The following TDRD9 variants were observed in gnomAD, a reference collection of about 807,000 sequenced individuals.
The protein encoded by TDRD9 is tudor domain containing 9, also known as ATP-dependent RNA helicase TDRD9.
Under a neutral mutation model 172.6 loss-of-function variants are expected in TDRD9, and 124 were observed. That is an observed-to-expected ratio of 0.72 (90% CI 0.62 to 0.83). The LOEUF (loss-of-function observed/expected upper bound fraction) is 0.83. Ranked by LOEUF, TDRD9 falls within the 40% of genes least tolerant of loss-of-function variation. The pLI is 0.00. For synonymous variants in TDRD9, 619 were observed against 617.1 expected, an observed-to-expected ratio of 1.00 and a Z score of -0.05; for missense variants, 1,479 against 1,714.1, an observed-to-expected ratio of 0.86 and a Z score of 2.42.
intron 1 of TDRD9, among the ~76,000 whole-genome samples, chr14:103,948,183 T>A (rs535668094): frequency 3.7e-4 from 56 of 152,136 alleles, no homozygotes; most frequent in Admixed American, 2.0e-3. Flanking sequence ...CTGCTATTTT[T>A]TTTTTTTATT....
intron 30 of TDRD9, among the ~76,000 whole-genome samples, chr14:104,032,600 T>C (rs1291718322): frequency 6.6e-6 from 1 of 152,210 alleles, no homozygotes; most frequent in East Asian, 1.9e-4. Context: ...ATGTAAGACA[T>C]TTTTGAGTAT....
intron 20 of TDRD9, chr14:104,013,771 A>T (rs2034689188): frequency 6.6e-6 from 1 of 152,134 alleles, no homozygotes. Flanking sequence ...CGCAACACTG[A>T]TGTGGTAACC....
In TDRD9 at chr14:103,980,279, G is replaced by A. The variant is rs926611253; in HGVS notation, c.1011+4726G>A. On this transcript the variant is annotated intron_variant, in intron 7 of 35. Transcript: ENST00000409874. This position sits in a 1 kb window ranked among gnomAD's most constrained non-coding sequence, Gnocchi z 4.5. ...GTAGTGGCCCCGAATGCCAGGCTGCGCTGATATTTATTGGATACAAGACAA... is the reference window on the plus strand; with the variant it reads ...GTAGTGGCCCCGAATGCCAGGCTGCACTGATATTTATTGGATACAAGACAA... Among the ~76,000 whole-genome samples, 7 of 151,986 alleles carry A rather than the reference G, an allele frequency of 4.6e-5. No individual in the cohort carries two copies. Among genetic ancestry groups the A allele is most frequent in the African/African-American group, 7.3e-5 (3 of 41,352 alleles).
intron 24 of TDRD9, among the ~76,000 whole-genome samples, chr14:104,023,940 T>C (rs1386256955): frequency 6.6e-6 from 1 of 152,340 alleles, no homozygotes; most frequent in East Asian, 1.9e-4. Flanking sequence ...AAAATAGGTC[T>C]GGAGATTGGG....
At chr14:104,043,794 G>C (rs75379709) in intron 34 of TDRD9, among the ~76,000 whole-genome samples, 1,612 of 152,286 alleles carry the variant, frequency 0.011, 10 homozygotes, top group Middle Eastern at 0.017. Context: ...ACACAACCTA[G>C]CTCTTCAGCA....
intron 1 of TDRD9, chr14:103,942,401 A>G (rs2152120444): frequency 6.6e-6 from 1 of 152,336 alleles, no homozygotes; most frequent in South Asian, 2.1e-4. Flanking sequence ...AATGTAGCTC[A>G]GTCTATTTGA....
At chr14:103,938,235 G>A (rs1222735330) in intron 1 of TDRD9, among the ~76,000 whole-genome samples, 1 of 151,422 alleles carries the variant, frequency 6.6e-6, no homozygotes, top group Non-Finnish European at 1.5e-5. Flanking sequence ...ATTATATGTC[G>A]GGGATTGTGC....
intron 3 of TDRD9, among the ~76,000 whole-genome samples, chr14:103,964,375 A>C (rs1476242148): frequency 6.6e-6 from 1 of 152,238 alleles, no homozygotes. Context: ...ATTCATTACA[A>C]AATGTTAATA....
At chr14:103,952,205 TATATATATATATATA>T (rs1314639364) in intron 1 of TDRD9, among the ~76,000 whole-genome samples, 46 of 84,498 alleles carry the variant, frequency 5.4e-4, no homozygotes, top group Non-Finnish European at 9.1e-4. Context: ...TATATATATA[TATATATATATATATA>T]TTTTTTTTTT....
In TDRD9 at chr14:104,005,358, C is replaced by T. The variant is rs2034402162; in HGVS notation, c.1666C>T (p.Pro556Ser). The change falls in exon 15 of 36, where the codon CCG becomes TCG. Residue 556 changes from proline (P) to serine (S), a missense_variant. This residue lies in a region of TDRD9 where 1,413 missense variants were observed against 1,649.1 expected (regional missense o/e 0.86). Transcript: ENST00000409874. ...PRALLATALS[P>S]PGLSDIERTI... ...AGCTCTGCTGGCCACTGCCCTTTCCCCGCCTGGTCTGAGTGACATTGAGCG... is the reference window on the plus strand; with the variant it reads ...AGCTCTGCTGGCCACTGCCCTTTCCTCGCCTGGTCTGAGTGACATTGAGCG... The T allele has an allele frequency of 6.2e-7, 1 of 1,613,858 alleles. No individual in the cohort carries two copies. The highest frequency in any genetic ancestry group is 1.1e-5 in the South Asian group (1 of 91,082).
At chr14:104,034,183 CTTTTTTTTTCTT>C (rs1384676334) in intron 31 of TDRD9, 114 bp downstream of exon 31, 13 of 218,032 alleles carry the variant, frequency 6.0e-5, no homozygotes, top group South Asian at 3.9e-4. Flanking sequence ...ATGTACTATT[CTTTTTTTTTCTT>C]TTTTTTTTTT....
At chr14:104,028,895 T>C (rs147581650) in intron 28 of TDRD9, among the ~76,000 whole-genome samples, 124 of 152,350 alleles carry the variant, frequency 8.1e-4, no homozygotes, top group African/African-American at 2.9e-3. Context: ...TTCTTCTGCA[T>C]TTAGATGTCC....
In TDRD9 at chr14:103,959,180, C is replaced by G. The variant is rs141150183; in HGVS notation, c.322+3410C>G. 1.1e-4 allele frequency among the ~76,000 whole-genome samples: 17 copies of G among 152,100 alleles called. No individual in the cohort carries two copies. In the East Asian group the frequency reaches 3.3e-3, roughly 29 times the overall value. On this transcript the variant is annotated intron_variant, in intron 2 of 35. Coordinates refer to ENST00000409874, the MANE Select transcript of TDRD9 (RefSeq NM_153046.3). ...AGAGGATGGCAGTGGAGGAGGAGAG[C>G]CAGTTGAAGGACAAACCGGACAGGA... is the stretch of plus-strand genomic sequence containing the variant.
At chr14:103,971,193 C>T (rs974171751) in intron 6 of TDRD9, among the ~76,000 whole-genome samples, 8 of 151,584 alleles carry the variant, frequency 5.3e-5, no homozygotes, top group Non-Finnish European at 8.8e-5. Context: ...TCGTGTTAGC[C>T]AGGATGGTCT....
Position 103,941,072 on chromosome 14 carries a change from G to T in TDRD9, c.215+12348G>T, listed in dbSNP as rs1168349799. ...AAGATGTAGACTATTTCCCATGGCA[G>T]TACATCATTTTCTGCCAAAACTTCT... is the stretch of plus-strand genomic sequence containing the variant. On this transcript the variant is annotated intron_variant, in intron 1 of 35. Coordinates refer to ENST00000409874, the MANE Select transcript of TDRD9 (RefSeq NM_153046.3). The T allele has an allele frequency of 2.6e-6, 4 of 1,534,518 alleles. No individual in the cohort carries two copies. In the Admixed American group the frequency reaches 7.9e-5, roughly 30 times the overall value.
rs1470216900 is a variant in TDRD9, at chr14:104,012,886, G to T, written c.2107-1839G>T. 3.3e-5 allele frequency among the ~76,000 whole-genome samples: 5 copies of T among 152,134 alleles called. No homozygotes were observed. In the East Asian group the frequency reaches 9.6e-4, roughly 29 times the overall value. ...AGCTCTGAGAGGTGTGAACCACCGTGCCCAGCCCTGAAATGTTTTTAAATA... is the reference window on the plus strand; with the variant it reads ...AGCTCTGAGAGGTGTGAACCACCGTTCCCAGCCCTGAAATGTTTTTAAATA... On this transcript the variant is annotated intron_variant, in intron 20 of 35. Transcript: ENST00000409874.
intron 1 of TDRD9, chr14:103,940,991 C>T (rs1307900904): frequency 6.5e-7 from 1 of 1,535,402 alleles, no homozygotes; most frequent in Non-Finnish European, 8.7e-7. Context: ...TCCTCCAGGT[C>T]CTCTTGCTCA....
chr14:103,968,782 T>C (rs1327869587), intron 5 of TDRD9, among the ~76,000 whole-genome samples: 8 of 2,822 alleles, frequency 2.8e-3, no homozygotes, highest in Non-Finnish European at 5.8e-3. Context: ...GGCGACAGAG[T>C]GAGACTCTGT....
chr14:104,000,329 C>CAAAAAAAA (rs60498436), intron 13 of TDRD9, among the ~76,000 whole-genome samples: 5 of 127,996 alleles, frequency 3.9e-5, no homozygotes, highest in Non-Finnish European at 4.8e-5. Context: ...AGCCCCGTCT[C>CAAAAAAAA]AAAAAAAAAA....
Sources: gnomAD v4.1 joint callset for allele counts (sites outside exome capture counted in the v4.1 genomes callset) on GRCh38, gnomAD v4.1.1 for gene constraint, gnomAD v4.1.1 regional missense constraint, Gnocchi (gnomAD v3.1) non-coding constraint, MANE v1.5 for transcripts, NCBI Gene and HGNC (gene_info 2026-07-23, HGNC 2026-07-21) for gene names.